The following GALNT17 variants were observed in gnomAD, a reference collection of about 807,000 sequenced individuals.
GALNT17 encodes UDP-GalNAc:polypeptide N-acetylgalactosaminyltransferase-like 3.
A neutral mutation model predicts 63.7 loss-of-function variants in GALNT17; 29 were observed. The ratio of observed to expected loss-of-function variants is 0.46; its 90% CI spans 0.34 to 0.62. The LOEUF (loss-of-function observed/expected upper bound fraction) is 0.62, where lower values mean the gene tolerates loss of function less well. Ranked by LOEUF, GALNT17 falls within the 20% of genes least tolerant of loss-of-function variation. The pLI, the probability that GALNT17 is intolerant of heterozygous loss-of-function variation, is 0.01. For missense variants in GALNT17, 603 were observed against 799.6 expected (o/e 0.75, Z 2.97); for synonymous variants, 305 against 318.3 (o/e 0.96, Z 0.45).
At chr7:71,262,907 G>A (rs960386391) in intron 1 of GALNT17, among the ~76,000 whole-genome samples, 2 of 151,574 alleles carry the variant, frequency 1.3e-5, no homozygotes, top group South Asian at 2.1e-4. Flanking sequence ...TCTCAAACTC[G>A]TAAGTTCAAG....
chr7:71,171,331 A>G (rs1397317326), intron 1 of GALNT17, among the ~76,000 whole-genome samples: 1 of 152,200 alleles, frequency 6.6e-6, no homozygotes, highest in Non-Finnish European at 1.5e-5. Flanking sequence ...CCTGAGCAAC[A>G]TAGTGAGACA....
At chr7:71,249,121 A>G (rs1790152200) in intron 1 of GALNT17, among the ~76,000 whole-genome samples, 1 of 152,224 alleles carries the variant, frequency 6.6e-6, no homozygotes, top group Non-Finnish European at 1.5e-5. Context: ...GTTCATGTAT[A>G]TGGTGAGCAA....
intron 5 of GALNT17, among the ~76,000 whole-genome samples, chr7:71,540,839 A>G (rs1788877574): frequency 6.6e-6 from 1 of 152,198 alleles, no homozygotes; most frequent in Non-Finnish European, 1.5e-5. Flanking sequence ...ACACAGGATC[A>G]GTTAACTCTC....
chr7:71,386,372 TC>T (rs1248525901), intron 2 of GALNT17, among the ~76,000 whole-genome samples: 1 of 152,172 alleles, frequency 6.6e-6, no homozygotes, highest in Non-Finnish European at 1.5e-5. Context: ...TTTGTTCTGC[TC>T]CCTGTTCCGT....
chr7:71,648,070 C>G (rs1035405241), intron 6 of GALNT17, among the ~76,000 whole-genome samples: 3 of 152,224 alleles, frequency 2.0e-5, no homozygotes, highest in African/African-American at 7.2e-5. Context: ...ACCTGCCCCT[C>G]CCATGGGCCC....
In GALNT17 at chr7:71,546,747, C is replaced by T. The variant is rs1040517082; in HGVS notation, c.963-24538C>T. On this transcript the variant is annotated intron_variant, in intron 5 of 10. Transcript: ENST00000333538. ...TATGAAGTTCATGGCCTTGGACCTG[C>T]GGTAAAGGGAATGGTCCATAAATGG... 5.9e-5 allele frequency among the ~76,000 whole-genome samples: 9 copies of T among 152,098 alleles called. No individual in the cohort carries two copies. In the East Asian group the frequency reaches 9.6e-4, roughly 16 times the overall value.
intron 1 of GALNT17, among the ~76,000 whole-genome samples, chr7:71,258,163 A>G (rs1204450952): frequency 6.6e-6 from 1 of 152,192 alleles, no homozygotes; most frequent in Non-Finnish European, 1.5e-5. Flanking sequence ...GCTTCCTGGG[A>G]GAATTCCTCC....
intron 6 of GALNT17, among the ~76,000 whole-genome samples, chr7:71,576,182 G>T (rs530358965): frequency 1.6e-3 from 244 of 152,266 alleles, no homozygotes; most frequent in Non-Finnish European, 2.9e-3. Flanking sequence ...CAAGACTGCT[G>T]CGTCCTGCTG....
rs59833771 is a variant in GALNT17 at position 71,583,961 on chromosome 7, GAA to G, written c.1080+12570_1080+12571del. On this transcript the variant is annotated intron_variant, in intron 6 of 10. Transcript: ENST00000333538. ...AACATGGTGAAACCCCGTCTCTACT[GAA>G]AAAAAAAAAATACAAAAAATTAGCC... Among the ~76,000 whole-genome samples, 13 of 146,016 alleles carry G rather than the reference GAA, an allele frequency of 8.9e-5. No homozygotes were observed. The South Asian group carries it at 1.3e-3, about 15-fold the overall frequency.
intron 6 of GALNT17, among the ~76,000 whole-genome samples, chr7:71,644,586 AAAAAG>A (rs1228558642): frequency 6.6e-6 from 1 of 151,232 alleles, no homozygotes; most frequent in Admixed American, 6.6e-5. Context: ...AAAGAAAAGA[AAAAAG>A]AAAAGAAAAA....
Position 71,625,557 on chromosome 7 carries a change from G to T in GALNT17, c.1081-39854G>T, listed in dbSNP as rs533374202. Among the ~76,000 whole-genome samples, 384 of 152,108 alleles carry T rather than the reference G, an allele frequency of 2.5e-3. 1 individual carries two copies. The highest frequency in any genetic ancestry group is 6.8e-3 in the South Asian group (33 of 4,818). On this transcript the variant is annotated intron_variant, in intron 6 of 10. Transcript: ENST00000333538. ...TTATAATTTTTTGGTGTTTTTTGTT[G>T]GGGGTGGGGTGATCATGTAATGGAA... is the stretch of plus-strand genomic sequence containing the variant.
intron 5 of GALNT17, among the ~76,000 whole-genome samples, chr7:71,495,418 G>A (rs555615180): frequency 2.0e-5 from 3 of 152,306 alleles, no homozygotes; most frequent in Non-Finnish European, 4.4e-5. Context: ...CACTTAATGT[G>A]TGCCAGGCAT....
rs148201046 is a variant in GALNT17, at chr7:71,299,337, C to T, written c.239-36213C>T. On this transcript the variant is annotated intron_variant, in intron 1 of 10. Coordinates refer to ENST00000333538, the MANE Select transcript of GALNT17 (RefSeq NM_022479.3). ...TTGCAGACGAGAGGATGGGAACTGC[C>T]GTTTATGAAGTCACCTGCAATGTGC... is the stretch of plus-strand genomic sequence containing the variant. 3.3e-4 allele frequency among the ~76,000 whole-genome samples: 51 copies of T among 152,266 alleles called. No individual in the cohort carries two copies. The East Asian group carries it at 8.7e-3, about 26-fold the overall frequency.
At chr7:71,252,840 A>T (rs1390214890) in intron 1 of GALNT17, among the ~76,000 whole-genome samples, 1 of 152,206 alleles carries the variant, frequency 6.6e-6, no homozygotes, top group Non-Finnish European at 1.5e-5. Context: ...CGATTTATTC[A>T]TGAGGAAATT....
intron 1 of GALNT17, among the ~76,000 whole-genome samples, chr7:71,158,910 T>A (rs966433798): frequency 6.6e-6 from 1 of 151,930 alleles, no homozygotes; most frequent in East Asian, 1.9e-4. Context: ...GAAATGTTTC[T>A]TTGGTAAACT....
chr7:71,154,543 C>T (rs1463049664), intron 1 of GALNT17, among the ~76,000 whole-genome samples: 1 of 152,198 alleles, frequency 6.6e-6, no homozygotes, highest in Non-Finnish European at 1.5e-5. Flanking sequence ...TCATGCTAAC[C>T]GTAATAAATG....
chr7:71,171,431 T>G (rs1485934217), intron 1 of GALNT17, among the ~76,000 whole-genome samples: 1 of 152,174 alleles, frequency 6.6e-6, no homozygotes, highest in Non-Finnish European at 1.5e-5. Context: ...AGCCTGGCAG[T>G]TCAGTGTTGC....
At chr7:71,598,134 G>A (rs1394790589) in intron 6 of GALNT17, among the ~76,000 whole-genome samples, 1 of 152,108 alleles carries the variant, frequency 6.6e-6, no homozygotes, top group Non-Finnish European at 1.5e-5. Context: ...AGTAGAGATG[G>A]GGTTTCACCA....
intron 3 of GALNT17, among the ~76,000 whole-genome samples, chr7:71,400,697 A>G (rs2116385664): frequency 6.6e-6 from 1 of 152,352 alleles, no homozygotes; most frequent in Non-Finnish European, 1.5e-5. Context: ...ATCTCAATTT[A>G]ATAGTAAGTC....
Sources: gnomAD v4.1 joint callset for allele counts (sites outside exome capture counted in the v4.1 genomes callset) on GRCh38, gnomAD v4.1.1 for gene constraint, MANE v1.5 for transcripts, NCBI Gene and HGNC (gene_info 2026-07-23, HGNC 2026-07-21) for gene names.